PTP4A1: variants seen among roughly 807,000 people sequenced by gnomAD.
PTP4A1 encodes protein tyrosine phosphatase 4A1.
PTP4A1 carries 9 observed loss-of-function variants against 20.5 expected under a neutral mutation model. The observed-to-expected ratio is 0.44, with a 90% CI of 0.26 to 0.77. The LOEUF (loss-of-function observed/expected upper bound fraction) is 0.77. Among genes scored for constraint, PTP4A1 ranks in the 30% least tolerant of loss-of-function variants. PTP4A1 has a pLI of 0.19. For synonymous variants in PTP4A1, 78 were observed against 67.4 expected (o/e 1.16, Z -0.77); for missense variants, 137 against 218.8 (o/e 0.63, Z 2.36).
At chr6:63,522,748 C>T (rs1052679625) in intron 1 of PTP4A1, among the ~76,000 whole-genome samples, 1 of 152,034 alleles carries the variant, frequency 6.6e-6, no homozygotes, top group Admixed American at 6.6e-5. Context: ...GGGGAGATAC[C>T]ATATTACTGT....
At chr6:63,568,839 G>T (rs780263581), upstream of PTP4A1, among the ~76,000 whole-genome samples, 1 of 152,076 alleles carries the variant, frequency 6.6e-6, no homozygotes, top group Non-Finnish European at 1.5e-5. Flanking sequence ...GAATTTTTAG[G>T]ACTCTTGTTA....
At position 63,582,199 on chromosome 6, in the gene PTP4A1, T is replaced by C. The variant is rs1778281980; in HGVS notation, c.*2025T>C. On this transcript the variant is annotated 3_prime_UTR_variant, in exon 6 of 6. Coordinates refer to ENST00000626021, the MANE Select transcript of PTP4A1 (RefSeq NM_003463.5). ...TTTTTAACCTGAGGTTTTGTTTTTTTTTTAAAGGAAATGCAGCCTAGTCTT... is the reference window on the plus strand; with the variant it reads ...TTTTTAACCTGAGGTTTTGTTTTTTCTTTAAAGGAAATGCAGCCTAGTCTT... The C allele has an allele frequency of 6.6e-6, 1 of 152,124 alleles. No individual in the cohort carries two copies. The highest frequency in any genetic ancestry group is 1.5e-5 in the Non-Finnish European group (1 of 67,958). 9.4% of individuals were successfully genotyped at this position (152,124 alleles called of 1,614,324 possible). A position where few individuals can be genotyped will look rare whatever the true frequency, so the allele number is the denominator to read the frequency against.
intron 2 of PTP4A1, among the ~76,000 whole-genome samples, chr6:63,536,052 C>T (rs1775710726): frequency 6.7e-6 from 1 of 149,232 alleles, no homozygotes; most frequent in East Asian, 2.2e-4. Flanking sequence ...GGTTTACAGG[C>T]TTGAGCCACC....
chr6:63,552,226 T>C (rs913310679), intron 3 of PTP4A1, among the ~76,000 whole-genome samples: 11 of 152,254 alleles, frequency 7.2e-5, no homozygotes, highest in Non-Finnish European at 1.5e-4. Flanking sequence ...ATTGGCATTC[T>C]AACTGGTGTG....
Position 63,582,167 on chromosome 6 carries a change from T to TG in PTP4A1, c.*1995dup, listed in dbSNP as rs1216194460. 6.6e-6 allele frequency: 1 copy of TG among 152,080 alleles called. No homozygotes were observed. The highest frequency in any genetic ancestry group is 1.5e-5 in the Non-Finnish European group (1 of 67,968). The allele number at this position is 152,080 out of a possible 1,614,324, so 9.4% of individuals were successfully genotyped here. On this transcript the variant is annotated 3_prime_UTR_variant, in exon 6 of 6. Transcript: ENST00000626021. ...ATTTGTGATAGTAATCACAAATTTT[T>TG]GGCTAATTTTTAACCTGAGGTTTTG...
At chr6:63,518,772 T>C (rs924557149), upstream of PTP4A1, among the ~76,000 whole-genome samples, 1 of 152,152 alleles carries the variant, frequency 6.6e-6, no homozygotes, top group African/African-American at 2.4e-5. Flanking sequence ...TAATCATAAA[T>C]GTACCTGGGA....
chr6:63,569,131 T>C (rs1246334032), upstream of PTP4A1, among the ~76,000 whole-genome samples: 1 of 152,236 alleles, frequency 6.6e-6, no homozygotes, highest in Non-Finnish European at 1.5e-5. Context: ...CTTGGTAAAA[T>C]GGAATCAATG....
intron 2 of PTP4A1, among the ~76,000 whole-genome samples, chr6:63,532,051 G>A (rs900548555): frequency 2.0e-5 from 3 of 151,984 alleles, no homozygotes; most frequent in African/African-American, 7.3e-5. Flanking sequence ...CACCCACCTC[G>A]GCCTCCCAGA....
chr6:63,564,907 G>T (rs1198294632), intron 3 of PTP4A1, among the ~76,000 whole-genome samples: 1 of 152,152 alleles, frequency 6.6e-6, no homozygotes, highest in Non-Finnish European at 1.5e-5. Context: ...ATGAGTTATG[G>T]ATAGATTCAT....
At chr6:63,533,312 G>C (rs952134726) in intron 2 of PTP4A1, among the ~76,000 whole-genome samples, 30 of 152,176 alleles carry the variant, frequency 2.0e-4, no homozygotes, top group African/African-American at 6.8e-4. Context: ...AACCTGGGAG[G>C]CAGAGGTTAC....
chr6:63,569,598 T>A, upstream of PTP4A1, among the ~76,000 whole-genome samples: 1 of 152,240 alleles, frequency 6.6e-6, no homozygotes, highest in South Asian at 2.1e-4. Context: ...CTAGTCTTAT[T>A]TCCCAACTGC....
intron 3 of PTP4A1, among the ~76,000 whole-genome samples, chr6:63,559,310 TG>T (rs35245424): frequency 6.6e-6 from 1 of 152,320 alleles, no homozygotes; most frequent in East Asian, 1.9e-4. Flanking sequence ...TGGAGTTATT[TG>T]GGGGAAGTGA....
At chr6:63,533,756 A>T (rs1775576113) in intron 2 of PTP4A1, among the ~76,000 whole-genome samples, 1 of 152,150 alleles carries the variant, frequency 6.6e-6, no homozygotes, top group Non-Finnish European at 1.5e-5. Context: ...AGCATTGAGA[A>T]ATGTATGGGG....
intron 3 of PTP4A1, among the ~76,000 whole-genome samples, chr6:63,563,171 T>C (rs1224110284): frequency 6.6e-6 from 1 of 152,228 alleles, no homozygotes; most frequent in African/African-American, 2.4e-5. Flanking sequence ...CCTTCTCCAA[T>C]CCATTCTCCA....
chr6:63,560,563 C>A (rs1776900212), intron 3 of PTP4A1, among the ~76,000 whole-genome samples: 2 of 151,760 alleles, frequency 1.3e-5, no homozygotes, highest in Non-Finnish European at 2.9e-5. Flanking sequence ...CCATGGCCCA[C>A]TAATCTGTGT....
intron 5 of PTP4A1, among the ~76,000 whole-genome samples, chr6:63,579,715 A>G (rs1412236430): frequency 1.3e-5 from 2 of 152,216 alleles, no homozygotes; most frequent in East Asian, 3.8e-4. Context: ...TGAGTGCTGT[A>G]GAACATGCCT....
chr6:63,539,932 AT>A (rs1775884341), intron 2 of PTP4A1, among the ~76,000 whole-genome samples: 1 of 152,210 alleles, frequency 6.6e-6, no homozygotes. Context: ...ATGGACAAAC[AT>A]TGGAAAGTTG....
chr6:63,577,911 A>G (rs1375558133), intron 2 of PTP4A1, among the ~76,000 whole-genome samples: 1 of 150,336 alleles, frequency 6.7e-6, no homozygotes, highest in Non-Finnish European at 1.5e-5. Context: ...AGTAATATGT[A>G]ATTAGTAATA....
chr6:63,533,779 G>A (rs1450971892), intron 2 of PTP4A1, among the ~76,000 whole-genome samples: 1 of 151,882 alleles, frequency 6.6e-6, no homozygotes, highest in Non-Finnish European at 1.5e-5. Flanking sequence ...GTATACTTAG[G>A]ATTTTTTTTA....
Sources: gnomAD v4.1 joint callset for allele counts (sites outside exome capture counted in the v4.1 genomes callset) on GRCh38, gnomAD v4.1.1 for gene constraint, MANE v1.5 for transcripts, NCBI Gene and HGNC (gene_info 2026-07-23, HGNC 2026-07-21) for gene names.